Variants in UNC13A observed in about 807,000 individuals in gnomAD.
UNC13A encodes the protein protein unc-13 homolog A.
UNC13A carries 61 observed loss-of-function variants against 219.7 expected under a neutral mutation model. The observed-to-expected ratio is 0.28, with a 90% CI of 0.23 to 0.34. The LOEUF (loss-of-function observed/expected upper bound fraction) is 0.34. UNC13A is among the 10% of genes least tolerant of loss of function. The pLI is 1.00. For missense variants in UNC13A, 1,476 were observed against 2,270.3 expected, an observed-to-expected ratio of 0.65 and a Z score of 7.11; for synonymous variants, 920 against 884.6, an observed-to-expected ratio of 1.04 and a Z score of -0.71.
At chr19:17,682,056 G>A (rs2080030090) in intron 1 of UNC13A, among the ~76,000 whole-genome samples, 1 of 150,656 alleles carries the variant, frequency 6.6e-6, no homozygotes, top group Non-Finnish European at 1.5e-5. Context: ...GGGCTTAAGC[G>A]ATTCTCGTGC....
At chr19:17,652,470 G>C (rs1257061110) in intron 12 of UNC13A, among the ~76,000 whole-genome samples, 161 bp downstream of exon 12, 1 of 152,122 alleles carries the variant, frequency 6.6e-6, no homozygotes, top group Non-Finnish European at 1.5e-5. Context: ...TCTGCGTATG[G>C]CTGTGTGCCT....
intron 39 of UNC13A, 113 bp downstream of exon 39, chr19:17,618,793 G>A (rs1384917649): frequency 3.0e-6 from 3 of 1,016,662 alleles, no homozygotes; most frequent in Admixed American, 1.8e-5. Flanking sequence ...TGTCCTTTGA[G>A]CCTGTAATGC....
At chr19:17,687,688 C>T (rs2080140438) in intron 1 of UNC13A, among the ~76,000 whole-genome samples, 1 of 152,100 alleles carries the variant, frequency 6.6e-6, no homozygotes, top group Non-Finnish European at 1.5e-5. Flanking sequence ...ATCTTACATC[C>T]CCACGGCTTG....
rs2076765923 is a variant in UNC13A at position 17,624,832 on chromosome 19, C to T, written c.4194G>A (p.Gln1398=). The T allele has an allele frequency of 6.2e-7, 1 of 1,612,962 alleles. No individual in the cohort carries two copies. The highest frequency in any genetic ancestry group is 1.3e-5 in the African/African-American group (1 of 74,916). ...KTIVLPPLTD[Q]TMIGNLLRKH... is the part of the protein sequence containing the mutation. ...TCGGGCCCCCTGCAGGTCTCACCGTCTGGTCAGTGAGGGGCGGCAGGACGA... is the reference window on the plus strand; with the variant it reads ...TCGGGCCCCCTGCAGGTCTCACCGTTTGGTCAGTGAGGGGCGGCAGGACGA... The change falls in exon 35 of 44, where the codon CAG becomes CAA. Residue 1398 remains glutamine (Q), a synonymous_variant. Coordinates refer to ENST00000519716, the MANE Select transcript of UNC13A (RefSeq NM_001080421.3).
chr19:17,631,179 T>TCTCC (rs2076845526), intron 28 of UNC13A, among the ~76,000 whole-genome samples: 1 of 6,856 alleles, frequency 1.5e-4, no homozygotes, highest in Admixed American at 9.5e-4. Context: ...CCCTCCCTCC[T>TCTCC]TTCCTTCCTT....
chr19:17,664,063 G>A lies in UNC13A; in HGVS notation c.524-496C>T, dbSNP rs916726440. The stretch of plus-strand genomic sequence containing the variant: ...CAAACACGTGGTCTCAAGTGAGGCC[G>A]AGTAGCTGGGATTTACAGGCATGAG... On this transcript the variant is annotated intron_variant, in intron 7 of 43. Transcript: ENST00000519716. Among the ~76,000 whole-genome samples, 13 of 152,124 alleles carry A rather than the reference G, an allele frequency of 8.5e-5. 1 individual carries two copies. Among genetic ancestry groups the A allele is most frequent in the Admixed American group, 7.2e-4 (11 of 15,276 alleles).
rs536834695 is a variant in UNC13A, at chr19:17,614,885, C to T, written c.4558+2817G>A. On this transcript the variant is annotated intron_variant, in intron 41 of 43. Transcript: ENST00000519716. ...CTCAATCCGGGCCAGACTGGGGTGCCGGGGGTGCCAGGGGGAATTGGACAG... is the reference window on the plus strand; with the variant it reads ...CTCAATCCGGGCCAGACTGGGGTGCTGGGGGTGCCAGGGGGAATTGGACAG... 3.0e-3 allele frequency among the ~76,000 whole-genome samples: 457 copies of T among 152,248 alleles called. 4 individuals are homozygous for T. Among genetic ancestry groups the T allele is most frequent in the African/African-American group, 8.7e-3 (362 of 41,552 alleles).
chr19:17,607,876 CTT>C (rs58683080), intron 43 of UNC13A, among the ~76,000 whole-genome samples: 5 of 96,278 alleles, frequency 5.2e-5, no homozygotes, highest in Admixed American at 1.2e-4. Context: ...CGTGAACAGA[CTT>C]TTTTTTTTTT....
Position 17,674,758 on chromosome 19 carries a change from T to C in UNC13A, c.53-2A>G. On this transcript the variant is annotated splice_acceptor_variant, in intron 2 of 43. Transcript: ENST00000519716. LOFTEE classifies it high-confidence loss of function. The surrounding 1 kb of genome is among the most constrained non-coding windows in gnomAD (Gnocchi z 5.0). ...GGGTCACGTACGTGTTGAATTTCTCTGTGGCAGTGAGAGTAGGGGTCAGCG... is the reference window on the plus strand; with the variant it reads ...GGGTCACGTACGTGTTGAATTTCTCCGTGGCAGTGAGAGTAGGGGTCAGCG... 1 of 1,613,456 alleles carries C rather than the reference T, an allele frequency of 6.2e-7. No homozygotes were observed. Among genetic ancestry groups the C allele is most frequent in the Non-Finnish European group, 8.5e-7 (1 of 1,179,560 alleles).
chr19:17,621,794 T>A, intron 37 of UNC13A, 38 bp downstream of exon 37: 1 of 1,609,928 alleles, frequency 6.2e-7, no homozygotes, highest in Non-Finnish European at 8.5e-7. Context: ...GCCCAGACAC[T>A]GGAGCTCAGG....
chr19:17,648,315 C>CT, intron 16 of UNC13A, 116 bp downstream of exon 16: 3 of 824,020 alleles, frequency 3.6e-6, no homozygotes, highest in Non-Finnish European at 5.1e-6. Context: ...CGCCCCGCCC[C>CT]TTGCCCCGCC....
chr19:17,620,839 A>G lies in UNC13A; in HGVS notation c.4243-117T>C, dbSNP rs1470141101. The G allele has an allele frequency of 1.5e-5, 18 of 1,211,784 alleles. No homozygotes were observed. The Admixed American group carries it at 3.1e-4, about 21-fold the overall frequency. 75.1% of individuals were successfully genotyped at this position (1,211,784 alleles called of 1,614,324 possible). ...CTTCCCAGCCCAGGAGCTCCTCCCC[A>G]GGTCCTGGGTCTAATGGTGGGCCCC... On this transcript the variant is annotated intron_variant, in intron 37 of 43. Transcript: ENST00000519716.
At chr19:17,618,243 C>T (rs372955776) in intron 40 of UNC13A, among the ~76,000 whole-genome samples, 178 bp downstream of exon 40, 1 of 152,234 alleles carries the variant, frequency 6.6e-6, no homozygotes, top group Non-Finnish European at 1.5e-5. Context: ...CTTCCCCGAC[C>T]TGGGGCTCCT....
In UNC13A at chr19:17,648,573, C is replaced by T. The variant is rs1192484057; in HGVS notation, c.1674G>A (p.Val558=). The T allele has an allele frequency of 2.5e-6, 4 of 1,614,010 alleles. No homozygotes were observed. The South Asian group carries it at 4.4e-5, about 18-fold the overall frequency. ...ISCTTPHNFE[V]WTATTPTYCY... is the part of the protein sequence containing the mutation. ...AGTAGGTGGGCGTGGTGGCCGTCCA[C>T]ACTTCGAAGTTGTGTGGCGTCGTGC... is the stretch of plus-strand genomic sequence containing the variant. Residue 558 remains valine (V), a synonymous_variant, in exon 16 of 44, where the codon GTG becomes GTA. Coordinates refer to ENST00000519716, the MANE Select transcript of UNC13A (RefSeq NM_001080421.3).
intron 7 of UNC13A, 26 bp from the exon 8 acceptor site, chr19:17,663,593 T>C: frequency 6.2e-7 from 1 of 1,600,398 alleles, no homozygotes. Flanking sequence ...GCAGAAATAA[T>C]AAAAGGGAGC....
rs924308899 is a variant in UNC13A at position 17,629,163 on chromosome 19, G to C, written c.3753+77C>G. On this transcript the variant is annotated intron_variant, in intron 31 of 43. Transcript: ENST00000519716. ...GACATACATAGCCCCAGGTGTCAGGGCCCTGGGGAGAAGGGAGTCCTGGGG... is the reference window on the plus strand; with the variant it reads ...GACATACATAGCCCCAGGTGTCAGGCCCCTGGGGAGAAGGGAGTCCTGGGG... 9 of 1,278,854 alleles carry C rather than the reference G, an allele frequency of 7.0e-6. No individual in the cohort carries two copies. The African/African-American group carries it at 8.8e-5, about 13-fold the overall frequency. 79.2% of individuals were successfully genotyped at this position (1,278,854 alleles called of 1,614,324 possible).
chr19:17,646,591 G>A (rs1330784534), intron 17 of UNC13A, among the ~76,000 whole-genome samples: 1 of 152,092 alleles, frequency 6.6e-6, no homozygotes, highest in East Asian at 1.9e-4. Flanking sequence ...CGCATGGGTA[G>A]GACCTCTCTC....
intron 3 of UNC13A, among the ~76,000 whole-genome samples, chr19:17,673,534 T>C (rs1282139560): frequency 7.1e-6 from 1 of 141,662 alleles, no homozygotes; most frequent in Non-Finnish European, 1.5e-5. Context: ...CTTTACTAAA[T>C]ACACAAAAAT....
rs2080154885 is a variant in UNC13A, at chr19:17,688,316, C to T, written c.-117G>A. The T allele has an allele frequency of 7.5e-7, 1 of 1,327,406 alleles. No individual in the cohort carries two copies. Among genetic ancestry groups the T allele is most frequent in the East Asian group, 3.2e-5 (1 of 31,056 alleles). 82.2% of individuals were successfully genotyped at this position (1,327,406 alleles called of 1,614,324 possible). On this transcript the variant is annotated 5_prime_UTR_variant, in exon 1 of 44. Transcript: ENST00000519716. Reference sequence around the variant, plus strand: ...AGCCCGCGCTTGGCTCACGCCGGGGCCCGGCCGCCACCGGCCATCTTGGTT... The same window carrying T: ...AGCCCGCGCTTGGCTCACGCCGGGGTCCGGCCGCCACCGGCCATCTTGGTT...
Sources: gnomAD v4.1 joint callset for allele counts (sites outside exome capture counted in the v4.1 genomes callset) on GRCh38, gnomAD v4.1.1 for gene constraint, Gnocchi (gnomAD v3.1) non-coding constraint, MANE v1.5 for transcripts, NCBI Gene and HGNC (gene_info 2026-07-23, HGNC 2026-07-21) for gene names.